CEP112: variants seen among roughly 807,000 people sequenced by gnomAD.
CEP112 encodes the protein centrosomal protein of 112 kDa.
A neutral mutation model predicts 153.0 loss-of-function variants in CEP112; 127 were observed. The ratio of observed to expected loss-of-function variants is 0.83; its 90% CI spans 0.72 to 0.96. The LOEUF is 0.96. Among genes scored for constraint, CEP112 ranks in the 40% least tolerant of loss-of-function variants. The pLI is 0.00. For synonymous variants in CEP112, 358 were observed against 374.4 expected, an observed-to-expected ratio of 0.96 and a Z score of 0.51; for missense variants, 1,089 against 1,101.2, an observed-to-expected ratio of 0.99 and a Z score of 0.16.
At chr17:66,158,712 G>A (rs2071559353) in intron 4 of CEP112, among the ~76,000 whole-genome samples, 1 of 152,138 alleles carries the variant, frequency 6.6e-6, no homozygotes. Flanking sequence ...GCGTTTAGAG[G>A]GAAATTTATA....
At chr17:66,032,071 G>T (rs1346485664) in intron 12 of CEP112, among the ~76,000 whole-genome samples, 1 of 151,928 alleles carries the variant, frequency 6.6e-6, no homozygotes, top group African/African-American at 2.4e-5. Flanking sequence ...GCTGGATCTC[G>T]GCTCACTGCA....
chr17:66,155,266 C>T (rs1428530232), intron 4 of CEP112, among the ~76,000 whole-genome samples: 2 of 152,118 alleles, frequency 1.3e-5, no homozygotes, highest in Non-Finnish European at 2.9e-5. Flanking sequence ...TGGGGTGATG[C>T]CTCACACAGG....
At chr17:65,975,154 C>T (rs1378314532) in intron 17 of CEP112, among the ~76,000 whole-genome samples, 1 of 152,150 alleles carries the variant, frequency 6.6e-6, no homozygotes, top group Non-Finnish European at 1.5e-5. Context: ...AACTCTTAGA[C>T]TCTAGTTACA....
At position 66,057,240 on chromosome 17, in the gene CEP112, G is replaced by C. The variant is rs202229565; in HGVS notation, c.1075-3361C>G. Reference sequence around the variant, plus strand: ...AAGAGACAGGGGTCTCCTGAACTAAGGAAGGAAGAGTGGTAGATACATTCA... The same window carrying C: ...AAGAGACAGGGGTCTCCTGAACTAACGAAGGAAGAGTGGTAGATACATTCA... On this transcript the variant is annotated intron_variant, in intron 11 of 26. Transcript: ENST00000535342. 3.9e-5 allele frequency among the ~76,000 whole-genome samples: 6 copies of C among 152,282 alleles called. No homozygotes were observed. The East Asian group carries it at 1.2e-3, about 29-fold the overall frequency.
chr17:65,636,065 G>C (rs562082657), intron 26 of CEP112, 91 bp from the exon 27 acceptor site: 4 of 1,220,298 alleles, frequency 3.3e-6, no homozygotes, highest in Non-Finnish European at 4.7e-6. Context: ...AAGTTGATAG[G>C]GGTTGAAAAG....
intron 24 of CEP112, among the ~76,000 whole-genome samples, chr17:65,654,692 G>A (rs544796433): frequency 1.2e-4 from 19 of 152,300 alleles, no homozygotes; most frequent in African/African-American, 4.3e-4. Flanking sequence ...TCCAGCTTCA[G>A]GTAGTTCAAA....
intron 18 of CEP112, among the ~76,000 whole-genome samples, chr17:65,934,272 G>A (rs377392738): frequency 5.9e-5 from 9 of 152,262 alleles, no homozygotes; most frequent in South Asian, 2.1e-4. Context: ...GAGAATAAAA[G>A]TGTACAGTTT....
chr17:66,014,206 G>A (rs1163758639), intron 16 of CEP112, among the ~76,000 whole-genome samples: 1 of 152,198 alleles, frequency 6.6e-6, no homozygotes, highest in Non-Finnish European at 1.5e-5. Flanking sequence ...AGTAGAGGGA[G>A]AGTGTGAGTG....
chr17:65,974,529 A>G (rs2062961129), intron 17 of CEP112, among the ~76,000 whole-genome samples: 1 of 152,174 alleles, frequency 6.6e-6, no homozygotes, highest in Non-Finnish European at 1.5e-5. Context: ...TATATCCCAA[A>G]CAATACAAAA....
intron 19 of CEP112, chr17:65,903,255 T>C (rs1402218890): frequency 6.6e-6 from 1 of 152,240 alleles, no homozygotes; most frequent in Non-Finnish European, 1.5e-5. Flanking sequence ...AAAACTGCTG[T>C]TATCTAGAAT....
chr17:66,103,097 C>T (rs569389028), intron 6 of CEP112, among the ~76,000 whole-genome samples: 184 of 151,970 alleles, frequency 1.2e-3, no homozygotes, highest in Non-Finnish European at 2.2e-3. Context: ...TGGTGGCGTA[C>T]GCCTGTAATC....
chr17:65,882,516 C>T (rs999422664), intron 20 of CEP112, among the ~76,000 whole-genome samples: 1 of 152,186 alleles, frequency 6.6e-6, no homozygotes, highest in African/African-American at 2.4e-5. Context: ...GATATGGAAA[C>T]AAGCAAAGCC....
chr17:66,052,601 C>A (rs2066488545), intron 12 of CEP112, among the ~76,000 whole-genome samples: 1 of 152,116 alleles, frequency 6.6e-6, no homozygotes, highest in African/African-American at 2.4e-5. Context: ...ACTGTGGTGA[C>A]CTCCTTCCTG....
intron 21 of CEP112, 157 bp from the exon 22 acceptor site, chr17:65,750,881 T>G: frequency 1.8e-6 from 1 of 550,198 alleles, no homozygotes; most frequent in Non-Finnish European, 3.2e-6. Flanking sequence ...TTACGCCAAC[T>G]ATTCATCACT....
chr17:65,736,710 T>G (rs761235975), intron 23 of CEP112, among the ~76,000 whole-genome samples: 1 of 152,182 alleles, frequency 6.6e-6, no homozygotes, highest in Admixed American at 6.5e-5. Flanking sequence ...TAGATCGTTG[T>G]TCACAGATGT....
At chr17:65,986,058 A>C (rs1041465583) in intron 17 of CEP112, among the ~76,000 whole-genome samples, 6 of 152,128 alleles carry the variant, frequency 3.9e-5, no homozygotes, top group African/African-American at 1.4e-4. Context: ...AAAGAATCCT[A>C]TCAAAAAATC....
intron 24 of CEP112, among the ~76,000 whole-genome samples, chr17:65,669,696 G>T (rs965146904): frequency 1.3e-5 from 2 of 152,150 alleles, no homozygotes; most frequent in African/African-American, 2.4e-5. Flanking sequence ...GAGGTCAGGA[G>T]ATCGAGACCA....
intron 12 of CEP112, among the ~76,000 whole-genome samples, chr17:66,050,626 A>C (rs2066399585): frequency 1.3e-5 from 2 of 152,152 alleles, no homozygotes; most frequent in South Asian, 4.1e-4. Context: ...GAGTATAAAA[A>C]AACCCCTTGT....
At chr17:66,038,734 A>G (rs937767655) in intron 12 of CEP112, among the ~76,000 whole-genome samples, 3 of 152,220 alleles carry the variant, frequency 2.0e-5, no homozygotes, top group Admixed American at 6.5e-5. Context: ...ATCTTCCCAC[A>G]TTGGGAACTG....
Sources: allele counts gnomAD v4.1 joint callset (sites outside exome capture counted in the v4.1 genomes callset), GRCh38; gene constraint gnomAD v4.1.1; transcripts MANE v1.5; gene names NCBI Gene and HGNC (gene_info 2026-07-23, HGNC 2026-07-21).